The following ZNF469 variants were observed in gnomAD, a reference collection of about 807,000 sequenced individuals.
ZNF469 encodes zinc finger protein 469.
ZNF469 carries 1 observed loss-of-function variant against 1.0 expected under a neutral mutation model. That is an observed-to-expected ratio of 1.00 (90% CI 0.35 to 4.73). The LOEUF is 4.73. ZNF469 is among the 30% of genes most tolerant of loss of function. The pLI, the probability that ZNF469 is intolerant of heterozygous loss-of-function variation, is 0.16. For synonymous variants in ZNF469, 2,703 were observed against 2,363.4 expected (o/e 1.14, Z -4.17); for missense variants, 6,100 against 5,356.3 (o/e 1.14, Z -4.33).
the ZNF469 span, among the ~76,000 whole-genome samples, chr16:88,142,874 G>A: frequency 2.6e-5 from 4 of 152,196 alleles, no homozygotes; most frequent in African/African-American, 9.7e-5. Context: ...CCACAAGGGT[G>A]GGACGGATGG....
At chr16:88,357,419 C>T in the ZNF469 span, among the ~76,000 whole-genome samples, 1 of 152,196 alleles carries the variant, frequency 6.6e-6, no homozygotes, top group African/African-American at 2.4e-5. Context: ...ATGAAGACTT[C>T]CTAATGGACA....
the ZNF469 span, among the ~76,000 whole-genome samples, chr16:88,196,519 A>G: frequency 1.3e-5 from 2 of 152,210 alleles, no homozygotes; most frequent in African/African-American, 2.4e-5. Context: ...AGTGGCCGAC[A>G]GCCCCAACTA....
the ZNF469 span, among the ~76,000 whole-genome samples, chr16:88,116,979 ACACACACACAC>A: frequency 3.6e-5 from 5 of 137,042 alleles, no homozygotes; most frequent in Non-Finnish European, 7.9e-5. Flanking sequence ...ACACACACAC[ACACACACACAC>A]ACCAGGGCAT....
chr16:88,218,588 C>G, the ZNF469 span, among the ~76,000 whole-genome samples: 1 of 151,642 alleles, frequency 6.6e-6, no homozygotes, highest in Non-Finnish European at 1.5e-5. Flanking sequence ...TAAAAACTCT[C>G]AATAAATTAG....
At chr16:88,293,509 T>C in the ZNF469 span, among the ~76,000 whole-genome samples, 1 of 151,906 alleles carries the variant, frequency 6.6e-6, no homozygotes, top group Non-Finnish European at 1.5e-5. Flanking sequence ...GATGGGTAGG[T>C]AGATAGATGA....
intron 1 of ZNF469, among the ~76,000 whole-genome samples, chr16:88,406,923 G>T (rs181774309): frequency 2.6e-5 from 4 of 152,162 alleles, no homozygotes; most frequent in African/African-American, 9.7e-5. Context: ...GTCACTCAGT[G>T]CCTCGTGGGT....
chr16:88,264,355 C>A, the ZNF469 span, among the ~76,000 whole-genome samples: 5 of 151,962 alleles, frequency 3.3e-5, no homozygotes, highest in African/African-American at 1.2e-4. Context: ...AGCCCTGATG[C>A]CCACCTTCCT....
At chr16:88,102,062 C>T in the ZNF469 span, among the ~76,000 whole-genome samples, 16 of 136,130 alleles carry the variant, frequency 1.2e-4, no homozygotes, top group East Asian at 2.6e-4. Flanking sequence ...CACCCCCCCA[C>T]CCCCGCCCCC....
Position 88,439,902 on chromosome 16 carries a change from G to GTCATGCCTCCTCCCTCTGACCACAGGT in ZNF469, c.*596_*597insTTCATGCCTCCTCCCTCTGACCACAGG, listed in dbSNP as rs1408578541. ...CAGGCCTCCTCCCTCTGACCACAGGGTCATGCCTCCTCCCTCTGACCACAG... is the reference window on the plus strand; with the variant it reads ...CAGGCCTCCTCCCTCTGACCACAGGGTCATGCCTCCTCCCTCTGACCACAGGTTCATGCCTCCTCCCTCTGACCACAG... On this transcript the variant is annotated 3_prime_UTR_variant, in exon 3 of 3. Transcript: ENST00000565624. 27 of 175,510 alleles carry GTCATGCCTCCTCCCTCTGACCACAGGT rather than the reference G, an allele frequency of 1.5e-4. No homozygotes were observed. In the South Asian group the frequency reaches 3.2e-3, roughly 21 times the overall value. The allele number at this position is 175,510 out of a possible 1,614,324, so 10.9% of individuals were successfully genotyped here.
At chr16:88,276,494 C>A in the ZNF469 span, 1 of 152,356 alleles carries the variant, frequency 6.6e-6, no homozygotes, top group African/African-American at 2.4e-5. Flanking sequence ...AGGCTGAGAG[C>A]AAACGGCTGC....
At chr16:88,212,362 T>C in the ZNF469 span, among the ~76,000 whole-genome samples, 1 of 152,192 alleles carries the variant, frequency 6.6e-6, no homozygotes, top group South Asian at 2.1e-4. Context: ...TCTTCTCCTT[T>C]CTTCTGTTTC....
intron 1 of ZNF469, among the ~76,000 whole-genome samples, chr16:88,401,704 T>TAC (rs1904872000): frequency 7.5e-4 from 88 of 117,174 alleles, no homozygotes; most frequent in African/African-American, 1.8e-3. Flanking sequence ...GATGGATGGA[T>TAC]ATATGGGTAG....
At chr16:88,317,376 A>G in the ZNF469 span, among the ~76,000 whole-genome samples, 1 of 152,110 alleles carries the variant, frequency 6.6e-6, no homozygotes, top group Non-Finnish European at 1.5e-5. Context: ...ACGTGGTCCT[A>G]GGGGGACCCT....
chr16:88,412,969 G>A (rs373582597), intron 1 of ZNF469, among the ~76,000 whole-genome samples: 1 of 152,088 alleles, frequency 6.6e-6, no homozygotes, highest in African/African-American at 2.4e-5. Flanking sequence ...ATCCAACTGT[G>A]GGCATGGGAG....
At position 88,435,531 on chromosome 16, in the gene ZNF469, T is replaced by G; in HGVS notation, c.8061T>G (p.Ala2687=). Residue 2687 remains alanine (A), a synonymous_variant, in exon 3 of 3, where the codon GCT becomes GCG. Transcript: ENST00000565624. ...TCTCTGTGGAAGGAGGGCCTGAGGCTGACGGGGAGCAGCCGCCTCGCTTGG... is the reference window on the plus strand; with the variant it reads ...TCTCTGTGGAAGGAGGGCCTGAGGCGGACGGGGAGCAGCCGCCTCGCTTGG... The part of the protein sequence containing the change: ...HCLSVEGGPE[A]DGEQPPRLAT... 1 of 1,549,516 alleles carries G rather than the reference T, an allele frequency of 6.5e-7. No homozygotes were observed. Among genetic ancestry groups the G allele is most frequent in the Non-Finnish European group, 8.7e-7 (1 of 1,146,946 alleles).
chr16:88,328,109 C>T, the ZNF469 span, among the ~76,000 whole-genome samples: 3 of 152,148 alleles, frequency 2.0e-5, no homozygotes, highest in Non-Finnish European at 4.4e-5. Context: ...GGGATGAGGT[C>T]GAGGAATCCG....
the ZNF469 span, among the ~76,000 whole-genome samples, chr16:88,287,349 G>C: frequency 6.6e-6 from 1 of 152,206 alleles, no homozygotes; most frequent in African/African-American, 2.4e-5. Flanking sequence ...TGGCACAAAG[G>C]TTTCTCTAGG....
Position 88,428,826 on chromosome 16 carries a change from TG to T in ZNF469, c.1361del (p.Gly454AlafsTer48). ...PTAAPYPTPP[G>X]GPLAATRSMF... Reference sequence around the variant, plus strand: ...CAGCAGCCCCTTACCCCACACCTCCTGGGGGCCCCCTGGCTGCCACCAGGAG... The same window carrying T: ...CAGCAGCCCCTTACCCCACACCTCCTGGGGCCCCCTGGCTGCCACCAGGAG... On this transcript the variant is annotated frameshift_variant, in exon 3 of 3. Transcript: ENST00000565624. LOFTEE classifies it low-confidence loss of function (END_TRUNC). 2 of 1,547,554 alleles carry T rather than the reference TG, an allele frequency of 1.3e-6. No individual in the cohort carries two copies.
chr16:88,284,323 C>T, the ZNF469 span, among the ~76,000 whole-genome samples: 2 of 152,218 alleles, frequency 1.3e-5, no homozygotes, highest in Admixed American at 6.5e-5. Flanking sequence ...CAATGGCTCA[C>T]GCCTATAATC....
Sources: allele counts gnomAD v4.1 joint callset (sites outside exome capture counted in the v4.1 genomes callset), GRCh38; gene constraint gnomAD v4.1.1; transcripts MANE v1.5; gene names NCBI Gene and HGNC (gene_info 2026-07-23, HGNC 2026-07-21).